IQGAP1: variants seen among roughly 807,000 people sequenced by gnomAD.
IQGAP1 encodes ras GTPase-activating-like protein IQGAP1.
A neutral mutation model predicts 215.6 loss-of-function variants in IQGAP1; 66 were observed. The ratio of observed to expected loss-of-function variants is 0.31; its 90% CI spans 0.25 to 0.38. The LOEUF (loss-of-function observed/expected upper bound fraction) is 0.38, where lower values mean the gene tolerates loss of function less well. Ranked by LOEUF, IQGAP1 falls within the 10% of genes least tolerant of loss-of-function variation. IQGAP1 has a pLI of 1.00. For synonymous variants in IQGAP1, 772 were observed against 728.7 expected (o/e 1.06, Z -0.96); for missense variants, 1,712 against 1,997.1 (o/e 0.86, Z 2.72).
chr15:90,422,805 C>G (rs1023878560), intron 2 of IQGAP1, among the ~76,000 whole-genome samples: 1 of 151,614 alleles, frequency 6.6e-6, no homozygotes, highest in African/African-American at 2.4e-5. Context: ...AAACGGTCCT[C>G]CTGCTGCAGC....
intron 2 of IQGAP1, among the ~76,000 whole-genome samples, chr15:90,412,810 G>C (rs1289817438): frequency 2.0e-5 from 3 of 152,168 alleles, no homozygotes; most frequent in Admixed American, 6.5e-5. Flanking sequence ...TGCAAGATGG[G>C]TGTGGTACCA....
chr15:90,487,824 G>A (rs995005703), intron 33 of IQGAP1, among the ~76,000 whole-genome samples: 6 of 152,032 alleles, frequency 3.9e-5, no homozygotes, highest in South Asian at 2.1e-4. Context: ...TGCCCATCCC[G>A]TATATCCATC....
intron 2 of IQGAP1, among the ~76,000 whole-genome samples, chr15:90,420,675 T>G (rs984712382): frequency 2.0e-5 from 3 of 152,182 alleles, no homozygotes; most frequent in Admixed American, 2.0e-4. Flanking sequence ...CAGGGTTAAA[T>G]ATGAGAATTG....
intron 2 of IQGAP1, among the ~76,000 whole-genome samples, chr15:90,422,532 A>G (rs1460630501): frequency 6.6e-6 from 1 of 150,680 alleles, no homozygotes; most frequent in Non-Finnish European, 1.5e-5. Flanking sequence ...ATTTTTATGT[A>G]AACTTAAAGT....
At chr15:90,499,967 GTTTT>G in intron 37 of IQGAP1, 24 bp from the exon 38 acceptor site, 4 of 336,470 alleles carry the variant, frequency 1.2e-5, no homozygotes, top group Non-Finnish European at 2.2e-5. Context: ...AAAATGTTTT[GTTTT>G]GTTTTGTTTT....
At chr15:90,411,478 C>G (rs998500065) in intron 2 of IQGAP1, among the ~76,000 whole-genome samples, 2 of 151,998 alleles carry the variant, frequency 1.3e-5, no homozygotes, top group African/African-American at 4.8e-5. Context: ...CATAGTTAAC[C>G]CCCACTCCCT....
intron 23 of IQGAP1, 143 bp from the exon 24 acceptor site, chr15:90,476,520 G>T: frequency 1.9e-6 from 1 of 520,014 alleles, no homozygotes; most frequent in Admixed American, 3.8e-5. Flanking sequence ...AGGATAAAGT[G>T]TAGTGGTTTT....
chr15:90,406,012 A>G (rs1004334357), intron 2 of IQGAP1, among the ~76,000 whole-genome samples: 1 of 152,196 alleles, frequency 6.6e-6, no homozygotes, highest in African/African-American at 2.4e-5. Flanking sequence ...TTGGATAGGT[A>G]TAATTGCTCA....
intron 2 of IQGAP1, among the ~76,000 whole-genome samples, chr15:90,397,147 C>G (rs976169994): frequency 6.6e-6 from 1 of 152,164 alleles, no homozygotes; most frequent in Non-Finnish European, 1.5e-5. Context: ...AGCCACTGCA[C>G]CCAGCCTAGC....
intron 1 of IQGAP1, among the ~76,000 whole-genome samples, chr15:90,389,695 G>A (rs1964606965): frequency 6.6e-6 from 1 of 151,468 alleles, no homozygotes; most frequent in Admixed American, 6.6e-5. Flanking sequence ...TGACTCCTGC[G>A]TGTAATCCCA....
intron 37 of IQGAP1, 134 bp from the exon 38 acceptor site, chr15:90,499,861 C>G: frequency 1.7e-6 from 1 of 603,056 alleles, no homozygotes; most frequent in Non-Finnish European, 2.9e-6. Context: ...TCTTTCGCCC[C>G]AGTTCACATC....
intron 26 of IQGAP1, among the ~76,000 whole-genome samples, chr15:90,480,219 TTAAAAA>T (rs1204544331): frequency 1.5e-5 from 2 of 131,708 alleles, no homozygotes; most frequent in East Asian, 2.2e-4. Context: ...ACCCCATATC[TTAAAAA>T]AAAAAAAAAA....
At chr15:90,416,206 T>C (rs578138887) in intron 2 of IQGAP1, among the ~76,000 whole-genome samples, 2 of 151,948 alleles carry the variant, frequency 1.3e-5, no homozygotes, top group African/African-American at 4.8e-5. Context: ...GTGTGTGATG[T>C]TCCCATGTCC....
At position 90,492,573 on chromosome 15, in the gene IQGAP1, A is replaced by G. The variant is rs1187702271; in HGVS notation, c.4490A>G (p.Gln1497Arg). 3 of 1,610,608 alleles carry G rather than the reference A, an allele frequency of 1.9e-6. No individual in the cohort carries two copies. Among genetic ancestry groups the G allele is most frequent in the Admixed American group, 3.4e-5 (2 of 59,028 alleles). Residue 1497 changes from glutamine (Q) to arginine (R), a missense_variant, in exon 35 of 38, where the codon CAG becomes CGG. Coordinates refer to ENST00000268182, the MANE Select transcript of IQGAP1 (RefSeq NM_003870.4). Reference sequence around the variant, plus strand: ...ATTCGGAATCAGCGGAGGTACCGACAGAGGAGAAAGGCCGAACTAGTGAAA... The same window carrying G: ...ATTCGGAATCAGCGGAGGTACCGACGGAGGAGAAAGGCCGAACTAGTGAAA... ...RDIRNQRRYR[Q>R]RRKAELVKLQ...
Position 90,429,574 on chromosome 15 carries a change from C to T in IQGAP1, c.313-15C>T. The T allele has an allele frequency of 3.6e-6, 5 of 1,378,144 alleles. No individual in the cohort carries two copies. The highest frequency in any genetic ancestry group is 1.4e-5 in the South Asian group (1 of 72,472). The allele number at this position is 1,378,144 out of a possible 1,614,324, so 85.4% of individuals were successfully genotyped here. ...AATACAGCCAATAATACCTAATTTT[C>T]TTTTTTTTTTCTAGGCGACTGGCCT... On this transcript the variant is annotated splice_polypyrimidine_tract_variant and intron_variant, in intron 3 of 37. Transcript: ENST00000268182.
At chr15:90,439,280 G>A in intron 5 of IQGAP1, 52 bp from the exon 6 acceptor site, 3 of 1,427,314 alleles carry the variant, frequency 2.1e-6, no homozygotes, top group South Asian at 1.2e-5. Flanking sequence ...TTTTAAGGGT[G>A]GCAGCTAGGC....
chr15:90,459,425 A>G (rs12594352), intron 15 of IQGAP1, among the ~76,000 whole-genome samples: 24,617 of 152,216 alleles, frequency 0.16, 2,723 homozygotes, highest in East Asian at 0.46. Flanking sequence ...CACAGTGGAA[A>G]AAAACAGTAT....
intron 2 of IQGAP1, among the ~76,000 whole-genome samples, chr15:90,394,075 C>T (rs1026747539): frequency 1.5e-5 from 2 of 132,882 alleles, no homozygotes; most frequent in African/African-American, 2.9e-5. Context: ...GCAGAGCTTG[C>T]GGTAAGCTGA....
chr15:90,444,243 CTGTGTGTGTG>C lies in IQGAP1; in HGVS notation c.913+793_913+802del, dbSNP rs34494521. Among the ~76,000 whole-genome samples, 151 of 126,946 alleles carry C rather than the reference CTGTGTGTGTG, an allele frequency of 1.2e-3. 1 individual carries two copies. The highest frequency in any genetic ancestry group is 3.3e-3 in the African/African-American group (107 of 32,640). The allele number at this position is 126,946 out of a possible 152,430, so 83.3% of individuals were successfully genotyped here. Reference sequence around the variant, plus strand: ...GCATTTTTTTGTATGTCCTTCAAAACTGTGTGTGTGTGTGTGTGTGTGTGTGTGTGTGTGT... The same window carrying C: ...GCATTTTTTTGTATGTCCTTCAAAACTGTGTGTGTGTGTGTGTGTGTGTGT... On this transcript the variant is annotated intron_variant, in intron 9 of 37. Transcript: ENST00000268182.
Sources: allele counts gnomAD v4.1 joint callset (sites outside exome capture counted in the v4.1 genomes callset), GRCh38; gene constraint gnomAD v4.1.1; transcripts MANE v1.5; gene names NCBI Gene and HGNC (gene_info 2026-07-23, HGNC 2026-07-21).